TNRC6A: variants seen among roughly 807,000 people sequenced by gnomAD.
TNRC6A encodes trinucleotide repeat containing adaptor 6A.
A neutral mutation model predicts 221.2 loss-of-function variants in TNRC6A; 44 were observed. The ratio of observed to expected loss-of-function variants is 0.20; its 90% CI spans 0.16 to 0.26. The LOEUF (loss-of-function observed/expected upper bound fraction) is 0.26. Ranked by LOEUF, TNRC6A falls within the 10% of genes least tolerant of loss-of-function variation. The pLI, the probability that TNRC6A is intolerant of heterozygous loss-of-function variation, is 1.00. For missense variants in TNRC6A, 2,199 were observed against 2,404.4 expected (o/e 0.91, Z 1.79); for synonymous variants, 847 against 838.5 (o/e 1.01, Z -0.18).
chr16:24,703,575 C>T (rs1469623793), intron 2 of TNRC6A, among the ~76,000 whole-genome samples: 1 of 152,092 alleles, frequency 6.6e-6, no homozygotes, highest in Non-Finnish European at 1.5e-5. Flanking sequence ...TAAAAACAAA[C>T]ATCATCTCTA....
At chr16:24,658,969 C>G (rs117296052) in intron 2 of TNRC6A, among the ~76,000 whole-genome samples, 1 of 151,368 alleles carries the variant, frequency 6.6e-6, no homozygotes, top group African/African-American at 2.4e-5. Context: ...CTACCACACC[C>G]GGCTAATTTT....
At position 24,743,274 on chromosome 16, in the gene TNRC6A, C is replaced by T. The variant is rs187329010; in HGVS notation, c.54-7452C>T. Among the ~76,000 whole-genome samples, 27 of 152,162 alleles carry T rather than the reference C, an allele frequency of 1.8e-4. No individual in the cohort carries two copies. In the East Asian group the frequency reaches 5.0e-3, roughly 28 times the overall value. On this transcript the variant is annotated intron_variant, in intron 2 of 24. Coordinates refer to ENST00000395799, the MANE Select transcript of TNRC6A (RefSeq NM_014494.4). ...CTTATGGTGGAGTATCTATTGTTTTCTAAGTTTCTAAACTCACTAACTTTC... is the reference window on the plus strand; with the variant it reads ...CTTATGGTGGAGTATCTATTGTTTTTTAAGTTTCTAAACTCACTAACTTTC...
chr16:24,673,815 C>T (rs2055354086), intron 2 of TNRC6A, among the ~76,000 whole-genome samples: 1 of 152,208 alleles, frequency 6.6e-6, no homozygotes, highest in South Asian at 2.1e-4. Context: ...ACTTCGGCCT[C>T]CCAGAATGCT....
chr16:24,647,330 G>A (rs192342474), intron 2 of TNRC6A, among the ~76,000 whole-genome samples: 1 of 152,144 alleles, frequency 6.6e-6, no homozygotes, highest in Admixed American at 6.5e-5. Flanking sequence ...GTGTACATGT[G>A]TATACGCGCA....
rs536268227 is a variant in TNRC6A at position 24,758,430 on chromosome 16, C to G, written c.163+70C>G. The G allele has an allele frequency of 7.0e-5, 104 of 1,496,300 alleles. No individual in the cohort carries two copies. In the South Asian group the frequency reaches 7.5e-4, roughly 11 times the overall value. 92.7% of individuals were successfully genotyped at this position (1,496,300 alleles called of 1,614,324 possible). A position where few individuals can be genotyped will look rare whatever the true frequency, so the allele number is the denominator to read the frequency against. On this transcript the variant is annotated intron_variant, in intron 4 of 24. Coordinates refer to ENST00000395799, the MANE Select transcript of TNRC6A (RefSeq NM_014494.4). ...AAGGTTGTTTATGTGCATTTTTGTT[C>G]ACCTCAAGGATGGGAGAGAGAAGAG...
intron 4 of TNRC6A, among the ~76,000 whole-genome samples, chr16:24,762,165 G>A (rs919981036): frequency 2.6e-5 from 4 of 152,112 alleles, no homozygotes; most frequent in East Asian, 1.9e-4. Flanking sequence ...TATTACTGCC[G>A]CTCTGTTTCT....
intron 1 of TNRC6A, among the ~76,000 whole-genome samples, chr16:24,638,667 C>A (rs570851711): frequency 1.3e-5 from 2 of 151,810 alleles, no homozygotes; most frequent in East Asian, 3.9e-4. Flanking sequence ...GAGCTGAGAC[C>A]GCACCATTGC....
chr16:24,821,024 ACCT>A, intron 22 of TNRC6A, among the ~76,000 whole-genome samples: 1 of 152,144 alleles, frequency 6.6e-6, no homozygotes, highest in Non-Finnish European at 1.5e-5. Context: ...GAGTAATAAA[ACCT>A]CATTAATATT....
rs1596852723 is a variant in TNRC6A, at chr16:24,824,007, CTATT to C, written c.*203_*206del. The C allele has an allele frequency of 7.2e-6, 3 of 415,918 alleles. No homozygotes were observed. The highest frequency in any genetic ancestry group is 1.2e-5 in the Non-Finnish European group (3 of 245,652). 25.8% of individuals were successfully genotyped at this position (415,918 alleles called of 1,614,324 possible). On this transcript the variant is annotated 3_prime_UTR_variant, in exon 25 of 25. Transcript: ENST00000395799. Reference sequence around the variant, plus strand: ...ATTATAATGTGAAAAGGTATCTACTCTATTTACACTCCCAAATAGCGCCATACAT... The same window carrying C: ...ATTATAATGTGAAAAGGTATCTACTCTACACTCCCAAATAGCGCCATACAT...
At chr16:24,652,741 C>T (rs1334067949) in intron 2 of TNRC6A, among the ~76,000 whole-genome samples, 1 of 152,112 alleles carries the variant, frequency 6.6e-6, no homozygotes, top group Non-Finnish European at 1.5e-5. Flanking sequence ...TTTTGGGATC[C>T]TCAACGTGCC....
At chr16:24,744,878 T>G (rs2056969298) in intron 2 of TNRC6A, among the ~76,000 whole-genome samples, 1 of 152,226 alleles carries the variant, frequency 6.6e-6, no homozygotes, top group Admixed American at 6.5e-5. Flanking sequence ...TATATATATA[T>G]TCATATCCCT....
intron 2 of TNRC6A, among the ~76,000 whole-genome samples, chr16:24,673,026 C>G (rs1212695545): frequency 6.6e-6 from 1 of 151,576 alleles, no homozygotes; most frequent in South Asian, 2.1e-4. Context: ...CATAGTGAGA[C>G]CCTCATCTCT....
At position 24,790,562 on chromosome 16, in the gene TNRC6A, A is replaced by T. The variant is rs200678739; in HGVS notation, c.1920A>T (p.Gly640=). The T allele has an allele frequency of 1.1e-4, 172 of 1,614,198 alleles. 1 individual carries two copies. In the East Asian group the frequency reaches 3.5e-3, roughly 33 times the overall value. ...ANGNGKTFTN[G]WKSTEEEDQG... Reference sequence around the variant, plus strand: ...GCAATGGTAAGACGTTTACAAATGGATGGAAATCTACTGAGGAAGAGGATC... The same window carrying T: ...GCAATGGTAAGACGTTTACAAATGGTTGGAAATCTACTGAGGAAGAGGATC... Residue 640 remains glycine (G), a synonymous_variant, in exon 6 of 25, where the codon GGA becomes GGT. Coordinates refer to ENST00000395799, the MANE Select transcript of TNRC6A (RefSeq NM_014494.4).
At chr16:24,803,911 A>G (rs1203966556) in intron 11 of TNRC6A, 1 of 326,690 alleles carries the variant, frequency 3.1e-6, no homozygotes. Context: ...ATAAAAAAGA[A>G]AAAAAAAGTG....
chr16:24,757,774 G>C (rs933233112), intron 3 of TNRC6A, among the ~76,000 whole-genome samples: 2 of 152,146 alleles, frequency 1.3e-5, no homozygotes, highest in African/African-American at 2.4e-5. Context: ...TGATAAATCA[G>C]TTTGAAATTT....
chr16:24,812,987 C>A (rs542796281), intron 18 of TNRC6A, among the ~76,000 whole-genome samples: 1 of 151,010 alleles, frequency 6.6e-6, no homozygotes, highest in African/African-American at 2.4e-5. Flanking sequence ...ATGACCCCCC[C>A]ACCTCAGCCT....
intron 2 of TNRC6A, among the ~76,000 whole-genome samples, chr16:24,677,980 T>G (rs1487189998): frequency 6.6e-6 from 1 of 151,986 alleles, no homozygotes; most frequent in Non-Finnish European, 1.5e-5. Context: ...CCCCATGACG[T>G]GAGTGTGGGC....
At chr16:24,788,648 CTTTTTT>C (rs10564095) in intron 5 of TNRC6A, among the ~76,000 whole-genome samples, 1 of 115,258 alleles carries the variant, frequency 8.7e-6, no homozygotes. Context: ...CTCCAAAATT[CTTTTTT>C]TTTTTTTTTT....
intron 2 of TNRC6A, among the ~76,000 whole-genome samples, chr16:24,749,826 T>G (rs559318569): frequency 6.6e-6 from 1 of 152,256 alleles, no homozygotes; most frequent in East Asian, 1.9e-4. Context: ...TTTTTAAAAT[T>G]TAAACAAACT....
Sources: gnomAD v4.1 joint callset for allele counts (sites outside exome capture counted in the v4.1 genomes callset) on GRCh38, gnomAD v4.1.1 for gene constraint, MANE v1.5 for transcripts, NCBI Gene and HGNC (gene_info 2026-07-23, HGNC 2026-07-21) for gene names.